Variants in DLC1 observed in about 807,000 individuals in gnomAD.
The protein encoded by DLC1 is DLC1 Rho GTPase activating protein, also known as rho GTPase-activating protein 7.
In DLC1, 54 loss-of-function variants were observed where a neutral mutation model predicts 140.3. The observed-to-expected ratio is 0.38, with a 90% CI of 0.31 to 0.48. The LOEUF is 0.48. Among genes scored for constraint, DLC1 ranks in the 20% least tolerant of loss-of-function variants. DLC1 has a pLI of 0.96. For missense variants in DLC1, 2,536 were observed against 1,907.0 expected, an observed-to-expected ratio of 1.33 and a Z score of -6.14; for synonymous variants, 986 against 728.1, an observed-to-expected ratio of 1.35 and a Z score of -5.70.
chr8:13,478,992 C>G (rs1254613810), intron 2 of DLC1, among the ~76,000 whole-genome samples: 1 of 152,190 alleles, frequency 6.6e-6, no homozygotes, highest in Non-Finnish European at 1.5e-5. Flanking sequence ...GACATTTGAT[C>G]TTACTTTCCT....
intron 4 of DLC1, among the ~76,000 whole-genome samples, chr8:13,307,596 C>G (rs1356720662): frequency 6.6e-6 from 1 of 152,110 alleles, no homozygotes; most frequent in East Asian, 1.9e-4. Context: ...AGTGAACGAA[C>G]AGAAAAATAA....
chr8:13,377,036 G>C (rs1184784289), intron 4 of DLC1, among the ~76,000 whole-genome samples: 2 of 152,210 alleles, frequency 1.3e-5, no homozygotes, highest in South Asian at 2.1e-4. Context: ...CTTTTGCACT[G>C]TGATTTACTA....
At chr8:13,247,325 C>T (rs923691468) in intron 5 of DLC1, among the ~76,000 whole-genome samples, 6 of 152,174 alleles carry the variant, frequency 3.9e-5, no homozygotes, top group African/African-American at 1.4e-4. Context: ...GTACAGCCAA[C>T]ACTTTGCAAA....
intron 1 of DLC1, among the ~76,000 whole-genome samples, chr8:13,556,701 C>CT (rs1447798706): frequency 6.6e-6 from 1 of 152,134 alleles, no homozygotes; most frequent in Non-Finnish European, 1.5e-5. Context: ...TGAATGAGAC[C>CT]TAGCTGGTCA....
intron 2 of DLC1, among the ~76,000 whole-genome samples, chr8:13,459,037 C>T (rs1236307290): frequency 6.6e-6 from 1 of 152,170 alleles, no homozygotes; most frequent in Non-Finnish European, 1.5e-5. Context: ...CTATTTCTTG[C>T]ATCCAGCTAA....
intron 5 of DLC1, among the ~76,000 whole-genome samples, chr8:13,247,817 T>C (rs532771978): frequency 1.3e-5 from 2 of 152,344 alleles, no homozygotes; most frequent in South Asian, 4.1e-4. Flanking sequence ...TACAAGAATT[T>C]CCTAACCAAA....
intron 5 of DLC1, among the ~76,000 whole-genome samples, chr8:13,132,583 G>T (rs1217503356): frequency 6.6e-6 from 1 of 152,136 alleles, no homozygotes; most frequent in Non-Finnish European, 1.5e-5. Flanking sequence ...GGTAGAAGGC[G>T]GTGTCGCCGC....
rs1817439162 is a variant in DLC1 at position 13,085,032 on chromosome 8, T to C, written c.*779A>G. 6.6e-6 allele frequency: 1 copy of C among 152,226 alleles called. No individual in the cohort carries two copies. The highest frequency in any genetic ancestry group is 6.5e-5 in the Admixed American group (1 of 15,278). The allele number at this position is 152,226 out of a possible 1,614,324, so 9.4% of individuals were successfully genotyped here. On this transcript the variant is annotated 3_prime_UTR_variant, in exon 18 of 18. Transcript: ENST00000276297. ...AGCAGTTCATCCCTGAACTAATCCA[T>C]ACTGGTTAAAACTACATCACTATTT...
At position 13,395,571 on chromosome 8, in the gene DLC1, T is replaced by G. The variant is rs4831422; in HGVS notation, c.1174-1878A>C. 3.9e-4 allele frequency among the ~76,000 whole-genome samples: 59 copies of G among 152,140 alleles called. 1 individual carries two copies. In the Middle Eastern group the frequency reaches 0.024, roughly 61 times the overall value. ...GTTAAATACAGTTTTATGAAGAAACTACTAGACTGACAAATATTAATACCT... is the reference window on the plus strand; with the variant it reads ...GTTAAATACAGTTTTATGAAGAAACGACTAGACTGACAAATATTAATACCT... On this transcript the variant is annotated intron_variant, in intron 3 of 17. Coordinates refer to ENST00000276297, the MANE Select transcript of DLC1 (RefSeq NM_182643.3).
chr8:13,577,720 C>A (rs980105922), intron 1 of DLC1, among the ~76,000 whole-genome samples: 12 of 151,998 alleles, frequency 7.9e-5, no homozygotes, highest in Non-Finnish European at 1.8e-4. Flanking sequence ...CTTTTGTTTC[C>A]TCCTTGGTAT....
intron 4 of DLC1, among the ~76,000 whole-genome samples, chr8:13,322,373 C>G (rs1379924531): frequency 1.3e-5 from 2 of 152,214 alleles, no homozygotes; most frequent in East Asian, 3.9e-4. Flanking sequence ...ATGTTAGGGG[C>G]AAGTATGATA....
intron 4 of DLC1, chr8:13,339,929 TA>T (rs1833964840): frequency 6.6e-6 from 1 of 152,044 alleles, no homozygotes; most frequent in Non-Finnish European, 1.5e-5. Context: ...CAGCAATAAA[TA>T]AAACATAAAA....
At chr8:13,590,555 C>G (rs545406789) in intron 1 of DLC1, among the ~76,000 whole-genome samples, 101 of 152,152 alleles carry the variant, frequency 6.6e-4, no homozygotes, top group Non-Finnish European at 1.2e-3. Context: ...TCATAATATG[C>G]TTGGCCAATG....
At chr8:13,373,818 T>C (rs1001313112) in intron 4 of DLC1, among the ~76,000 whole-genome samples, 2 of 152,200 alleles carry the variant, frequency 1.3e-5, no homozygotes, top group Non-Finnish European at 1.5e-5. Context: ...AATGTAAATA[T>C]TTTAAAGCTG....
At chr8:13,102,153 TG>T (rs1393478408) in intron 8 of DLC1, among the ~76,000 whole-genome samples, 1 of 152,182 alleles carries the variant, frequency 6.6e-6, no homozygotes, top group African/African-American at 2.4e-5. Context: ...GACTCATTCC[TG>T]TTTACTCTAA....
chr8:13,305,671 T>A (rs1832389175), intron 4 of DLC1, among the ~76,000 whole-genome samples: 1 of 152,096 alleles, frequency 6.6e-6, no homozygotes, highest in Non-Finnish European at 1.5e-5. Flanking sequence ...ACCCCATCTC[T>A]ACAAAAAATA....
chr8:13,389,835 A>C (rs1836673149), intron 4 of DLC1, among the ~76,000 whole-genome samples: 1 of 152,158 alleles, frequency 6.6e-6, no homozygotes, highest in Non-Finnish European at 1.5e-5. Context: ...TTAATTATGG[A>C]ATGAAGGTAG....
At chr8:13,118,909 A>G (rs1313129933) in intron 5 of DLC1, among the ~76,000 whole-genome samples, 1 of 152,022 alleles carries the variant, frequency 6.6e-6, no homozygotes, top group Non-Finnish European at 1.5e-5. Context: ...CTCCTTCACA[A>G]ACTTCGCTGG....
At chr8:13,120,719 A>C (rs904970020) in intron 5 of DLC1, among the ~76,000 whole-genome samples, 1 of 152,190 alleles carries the variant, frequency 6.6e-6, no homozygotes, top group Non-Finnish European at 1.5e-5. Context: ...GGAAATTTTT[A>C]TTGGAAACAG....
Sources: gnomAD v4.1 joint callset for allele counts (sites outside exome capture counted in the v4.1 genomes callset) on GRCh38, gnomAD v4.1.1 for gene constraint, MANE v1.5 for transcripts, NCBI Gene and HGNC (gene_info 2026-07-23, HGNC 2026-07-21) for gene names.